AKAP13: variants seen among roughly 807,000 people sequenced by gnomAD.
AKAP13 encodes the protein A-kinase anchoring protein 13.
A neutral mutation model predicts 264.5 loss-of-function variants in AKAP13; 80 were observed. That is an observed-to-expected ratio of 0.30 (90% CI 0.25 to 0.36). The LOEUF is 0.36. Among genes scored for constraint, AKAP13 ranks in the 10% least tolerant of loss-of-function variants. AKAP13 has a pLI of 1.00. For missense variants in AKAP13, 3,712 were observed against 3,435.2 expected, an observed-to-expected ratio of 1.08 and a Z score of -2.01; for synonymous variants, 1,380 against 1,250.2, an observed-to-expected ratio of 1.10 and a Z score of -2.19.
intron 8 of AKAP13, among the ~76,000 whole-genome samples, chr15:85,607,923 T>G (rs984893935): frequency 1.3e-5 from 2 of 152,248 alleles, no homozygotes; most frequent in Non-Finnish European, 2.9e-5. Flanking sequence ...GGCAGTAGTG[T>G]TGACAAATAG....
intron 1 of AKAP13, among the ~76,000 whole-genome samples, chr15:85,396,900 AC>A (rs911912110): frequency 1.6e-5 from 2 of 126,472 alleles, no homozygotes; most frequent in Non-Finnish European, 3.3e-5. Flanking sequence ...CGTATGTTAG[AC>A]TTTTTTTTTT....
chr15:85,468,748 C>T (rs1206339454), intron 1 of AKAP13, among the ~76,000 whole-genome samples: 1 of 151,880 alleles, frequency 6.6e-6, no homozygotes, highest in African/African-American at 2.4e-5. Context: ...GGTCAGAGAG[C>T]ATAACTTCTG....
At chr15:85,441,138 G>T (rs576605284) in intron 1 of AKAP13, among the ~76,000 whole-genome samples, 3 of 152,066 alleles carry the variant, frequency 2.0e-5, no homozygotes, top group Non-Finnish European at 4.4e-5. Flanking sequence ...ACATTTTACA[G>T]TTCCTCCAGC....
intron 5 of AKAP13, among the ~76,000 whole-genome samples, chr15:85,562,617 A>G (rs2078431021): frequency 7.1e-6 from 1 of 139,916 alleles, no homozygotes; most frequent in Non-Finnish European, 1.5e-5. Flanking sequence ...CTCTGTCCTT[A>G]TATCTTAATC....
Position 85,737,919 on chromosome 15 carries a change from G to A in AKAP13, c.7557+1785G>A, listed in dbSNP as rs563609238. Among the ~76,000 whole-genome samples, 199 of 152,164 alleles carry A rather than the reference G, an allele frequency of 1.3e-3. 1 individual carries two copies. Among genetic ancestry groups the A allele is most frequent in the African/African-American group, 4.6e-3 (193 of 41,526 alleles). ...CTCCCAAAGTGCTGGGGTTACAGGCGTGAGTCACTGCTCCTGGCCTTGATT... is the reference window on the plus strand; with the variant it reads ...CTCCCAAAGTGCTGGGGTTACAGGCATGAGTCACTGCTCCTGGCCTTGATT... On this transcript the variant is annotated intron_variant, in intron 33 of 36. Transcript: ENST00000394518.
intron 1 of AKAP13, 76 bp from the exon 2 acceptor site, chr15:85,485,634 C>T: frequency 7.6e-7 from 1 of 1,324,046 alleles, no homozygotes; most frequent in Non-Finnish European, 1.1e-6. Context: ...TGCTTGACAC[C>T]TAGGACTTTA....
intron 13 of AKAP13, among the ~76,000 whole-genome samples, chr15:85,666,460 C>CA (rs5814211): frequency 1 from 152,280 of 152,282 alleles, 76,139 homozygotes; most frequent in Middle Eastern, 1. Context: ...AATTTTCTGC[C>CA]TTCTGTAGGT....
chr15:85,459,855 T>C (rs1427202681), intron 1 of AKAP13, among the ~76,000 whole-genome samples: 1 of 152,212 alleles, frequency 6.6e-6, no homozygotes, highest in African/African-American at 2.4e-5. Flanking sequence ...AAAATCTTTC[T>C]AGACTCCTAC....
chr15:85,417,731 G>A (rs951029096), intron 1 of AKAP13, among the ~76,000 whole-genome samples: 1 of 152,194 alleles, frequency 6.6e-6, no homozygotes. Flanking sequence ...CTCACCAGGA[G>A]CCAGTGAAGA....
In AKAP13 at chr15:85,675,670, A is replaced by G. The variant is rs1478587430; in HGVS notation, c.5101+5840A>G. Among the ~76,000 whole-genome samples the G allele has an allele frequency of 2.6e-5, 4 of 152,214 alleles. No homozygotes were observed. The East Asian group carries it at 7.7e-4, about 29-fold the overall frequency. ...TGCAGCAACTTAAACATCTGATGTT[A>G]TAGGACTGACAGACCTAAGGGGTCA... On this transcript the variant is annotated intron_variant, in intron 14 of 36. Coordinates refer to ENST00000394518, the MANE Select transcript of AKAP13 (RefSeq NM_007200.5).
chr15:85,415,358 C>T, intron 1 of AKAP13: 2 of 1,583,524 alleles, frequency 1.3e-6, no homozygotes, highest in Non-Finnish European at 8.7e-7. Context: ...CAGATTGTAT[C>T]ATCACTTGTG....
intron 4 of AKAP13, chr15:85,537,115 C>T (rs1276128626): frequency 6.6e-6 from 1 of 152,242 alleles, no homozygotes; most frequent in Non-Finnish European, 1.5e-5. Context: ...AGTTCACATT[C>T]TGCAGTTTAA....
intron 1 of AKAP13, among the ~76,000 whole-genome samples, chr15:85,404,570 AAG>A (rs1313567612): frequency 6.6e-6 from 1 of 152,212 alleles, no homozygotes; most frequent in Non-Finnish European, 1.5e-5. Flanking sequence ...TTTTCAAGCT[AAG>A]TCTTGAAGGA....
Position 85,662,601 on chromosome 15 carries a change from A to G in AKAP13, c.4800-1962A>G, listed in dbSNP as rs917128246. 3.0e-5 allele frequency: 26 copies of G among 866,974 alleles called. No homozygotes were observed. The East Asian group carries it at 5.9e-4, about 20-fold the overall frequency. 53.7% of individuals were successfully genotyped at this position (866,974 alleles called of 1,614,324 possible). A position where few individuals can be genotyped will look rare whatever the true frequency, so the allele number is the denominator to read the frequency against. ...AGCACAGCATTTCATTGCCTTTGCT[A>G]TGGGTGTCACTAACTCAGCTGAAGG... On this transcript the variant is annotated intron_variant, in intron 12 of 36. Coordinates refer to ENST00000394518, the MANE Select transcript of AKAP13 (RefSeq NM_007200.5).
At chr15:85,478,637 C>G (rs954525939) in intron 1 of AKAP13, among the ~76,000 whole-genome samples, 1 of 151,954 alleles carries the variant, frequency 6.6e-6, no homozygotes, top group African/African-American at 2.4e-5. Flanking sequence ...TTTTGTTTTA[C>G]TGTTGAATGT....
chr15:85,699,680 G>T (rs2085797857), intron 17 of AKAP13, among the ~76,000 whole-genome samples: 2 of 152,318 alleles, frequency 1.3e-5, no homozygotes, highest in South Asian at 4.1e-4. Context: ...TTTATCAGCT[G>T]ATCTCTGATG....
intron 12 of AKAP13, chr15:85,662,334 C>T: frequency 6.3e-7 from 1 of 1,587,154 alleles, no homozygotes; most frequent in Non-Finnish European, 8.7e-7. Context: ...AACCCCATTC[C>T]TGTTTCCTCT....
chr15:85,393,316 C>A (rs1400591597), intron 1 of AKAP13, among the ~76,000 whole-genome samples: 2 of 152,144 alleles, frequency 1.3e-5, no homozygotes, highest in Non-Finnish European at 2.9e-5. Flanking sequence ...GGAAAAAATA[C>A]GGTAACAAGA....
chr15:85,723,024 C>G (rs781387951), intron 25 of AKAP13, 48 bp from the exon 26 acceptor site: 1 of 1,593,182 alleles, frequency 6.3e-7, no homozygotes, highest in Non-Finnish European at 8.6e-7. Context: ...TGCTTCTGCC[C>G]TTGTCCAAAA....
Sources: allele counts gnomAD v4.1 joint callset (sites outside exome capture counted in the v4.1 genomes callset), GRCh38; gene constraint gnomAD v4.1.1; transcripts MANE v1.5; gene names NCBI Gene and HGNC (gene_info 2026-07-23, HGNC 2026-07-21).